PRMT7: variants seen among roughly 807,000 people sequenced by gnomAD.
PRMT7 encodes protein arginine N-methyltransferase 7.
In PRMT7, 75 loss-of-function variants were observed where a neutral mutation model predicts 85.4. The ratio of observed to expected loss-of-function variants is 0.88; its 90% CI spans 0.73 to 1.06. The LOEUF (loss-of-function observed/expected upper bound fraction) is 1.06. PRMT7 is among the 50% of genes least tolerant of loss of function. The pLI, the probability that PRMT7 is intolerant of heterozygous loss-of-function variation, is 0.00. For synonymous variants in PRMT7, 397 were observed against 359.5 expected, an observed-to-expected ratio of 1.10 and a Z score of -1.18; for missense variants, 868 against 915.2, an observed-to-expected ratio of 0.95 and a Z score of 0.67.
intron 6 of PRMT7, among the ~76,000 whole-genome samples, chr16:68,332,735 C>G (rs891349844): frequency 2.0e-5 from 3 of 152,176 alleles, no homozygotes; most frequent in Admixed American, 1.3e-4. Flanking sequence ...CGTTTCCTGT[C>G]TGTTTAACTC....
At chr16:68,327,452 A>G (rs1013422654) in intron 5 of PRMT7, among the ~76,000 whole-genome samples, 2 of 151,930 alleles carry the variant, frequency 1.3e-5, no homozygotes, top group Admixed American at 1.3e-4. Flanking sequence ...CTGCCCTGGG[A>G]AGTGGGGTTT....
intron 14 of PRMT7, among the ~76,000 whole-genome samples, chr16:68,349,425 A>G (rs2151869081): frequency 6.6e-6 from 1 of 152,248 alleles, no homozygotes; most frequent in Non-Finnish European, 1.5e-5. Context: ...ATATGCCACA[A>G]ACTGGACTCA....
chr16:68,336,771 C>T (rs970917860), intron 6 of PRMT7, among the ~76,000 whole-genome samples: 2 of 152,020 alleles, frequency 1.3e-5, no homozygotes, highest in African/African-American at 4.8e-5. Flanking sequence ...CACTCTGTCG[C>T]GCAGGCTGGA....
intron 6 of PRMT7, chr16:68,329,476 T>C (rs2083554718): frequency 4.4e-6 from 1 of 226,868 alleles, no homozygotes; most frequent in Admixed American, 5.0e-5. Context: ...CAACTACCAA[T>C]AATTACGCCT....
chr16:68,330,745 C>T (rs924945049), intron 6 of PRMT7, among the ~76,000 whole-genome samples: 3 of 152,038 alleles, frequency 2.0e-5, no homozygotes, highest in Admixed American at 6.5e-5. Flanking sequence ...CAGGCGTGCA[C>T]CACCATGCCT....
chr16:68,328,694 CCTA>C lies in PRMT7; in HGVS notation c.283-369_283-367del, dbSNP rs1421802003. 3.2e-4 allele frequency among the ~76,000 whole-genome samples: 48 copies of C among 152,108 alleles called. 1 individual carries two copies. Among genetic ancestry groups the C allele is most frequent in the Admixed American group, 2.7e-3 (41 of 15,276 alleles). Reference sequence around the variant, plus strand: ...GGACAATTTTGAGCCCAGAGGATGACCTACTTACTCACACCTACAGTCTGCTCT... The same window carrying C: ...GGACAATTTTGAGCCCAGAGGATGACCTTACTCACACCTACAGTCTGCTCT... On this transcript the variant is annotated intron_variant, in intron 5 of 18. Transcript: ENST00000441236.
At position 68,339,329 on chromosome 16, in the gene PRMT7, G is replaced by T. The variant is rs1457564461; in HGVS notation, c.512G>T (p.Cys171Phe). The T allele has an allele frequency of 1.2e-6, 2 of 1,613,742 alleles. No individual in the cohort carries two copies. The highest frequency in any genetic ancestry group is 1.7e-6 in the Non-Finnish European group (2 of 1,179,658). The stretch of plus-strand genomic sequence containing the variant: ...TTTTTAATATAAACTTAGGAAAATT[G>T]TGAGGCCGTGCCCCACAGAGCCACC... ...HAHRHLVEENCEAVPHRATVY... is the reference protein window; with the variant it reads ...HAHRHLVEENFEAVPHRATVY... Residue 171 changes from cysteine to phenylalanine, a missense_variant, in exon 8 of 19, where the codon TGT (cysteine) becomes TTT (phenylalanine). Coordinates refer to ENST00000441236, the MANE Select transcript of PRMT7 (RefSeq NM_019023.5).
At chr16:68,321,595 A>G in intron 4 of PRMT7, 133 bp downstream of exon 4, 1 of 796,002 alleles carries the variant, frequency 1.3e-6, no homozygotes, top group Non-Finnish European at 2.0e-6. Context: ...TCAGGAAATC[A>G]GTTGGGAGAC....
chr16:68,359,502 C>T (rs12599876), downstream of PRMT7: 23,938 of 152,772 alleles, frequency 0.16, 2,431 homozygotes, highest in African/African-American at 0.28. Flanking sequence ...GGCTCTGCAG[C>T]GTTGTCTGCC....
In PRMT7 at chr16:68,331,046, A is replaced by G. The variant is rs557353602; in HGVS notation, c.391+1872A>G. ...CACACTTGTAACCACCATCACCATA[A>G]TGAAGATAATAGAACATCTCCATCA... On this transcript the variant is annotated intron_variant, in intron 6 of 18. Transcript: ENST00000441236. Among the ~76,000 whole-genome samples, 56 of 152,350 alleles carry G rather than the reference A, an allele frequency of 3.7e-4. No individual in the cohort carries two copies. In the South Asian group the frequency reaches 0.011, roughly 29 times the overall value.
chr16:68,314,351 C>A (rs764609134), intron 2 of PRMT7, among the ~76,000 whole-genome samples: 13 of 152,228 alleles, frequency 8.5e-5, no homozygotes, highest in Non-Finnish European at 1.8e-4. Flanking sequence ...CTGCCTCAGC[C>A]TCCTGAGTAG....
At chr16:68,341,055 C>T (rs1323623943) in intron 9 of PRMT7, among the ~76,000 whole-genome samples, 1 of 152,144 alleles carries the variant, frequency 6.6e-6, no homozygotes, top group African/African-American at 2.4e-5. Flanking sequence ...TGGAAGAATT[C>T]CCAGAAATTC....
chr16:68,324,331 C>T (rs565751630), intron 4 of PRMT7: 84 of 270,896 alleles, frequency 3.1e-4, no homozygotes, highest in African/African-American at 1.9e-3. Context: ...AGAACAGCAG[C>T]ATGCAGAAAG....
At chr16:68,312,943 GC>G (rs954229999) in intron 2 of PRMT7, among the ~76,000 whole-genome samples, 28 of 152,318 alleles carry the variant, frequency 1.8e-4, no homozygotes, top group Admixed American at 1.7e-3. Context: ...TCCTGCCTCA[GC>G]CTCCCAAGTA....
chr16:68,324,555 CA>C (rs1238609858), intron 4 of PRMT7, 127 bp from the exon 5 acceptor site: 2 of 1,162,068 alleles, frequency 1.7e-6, no homozygotes, highest in Non-Finnish European at 2.5e-6. Context: ...GCTGTTCTGC[CA>C]GGGGCCAGAA....
downstream of PRMT7, chr16:68,359,319 G>C (rs1009895144): frequency 6.6e-6 from 1 of 152,478 alleles, no homozygotes; most frequent in Non-Finnish European, 1.5e-5. Flanking sequence ...CCAGCCCCTT[G>C]GAGGGGTGGG....
intron 6 of PRMT7, among the ~76,000 whole-genome samples, chr16:68,331,416 A>G (rs1272921368): frequency 1.3e-5 from 2 of 151,316 alleles, no homozygotes; most frequent in African/African-American, 4.9e-5. Flanking sequence ...TGCAGCATCT[A>G]ATATGCTGTT....
intron 5 of PRMT7, among the ~76,000 whole-genome samples, chr16:68,326,159 C>A (rs1429791785): frequency 6.6e-6 from 1 of 152,142 alleles, no homozygotes; most frequent in Non-Finnish European, 1.5e-5. Context: ...GGTGTATATT[C>A]TTCCAAGTTT....
In PRMT7 at chr16:68,339,569, A is replaced by G. The variant is rs753713793; in HGVS notation, c.746+6A>G. 2 of 1,612,720 alleles carry G rather than the reference A, an allele frequency of 1.2e-6. No homozygotes were observed. The highest frequency in any genetic ancestry group is 1.7e-6 in the Non-Finnish European group (2 of 1,179,428). The stretch of plus-strand genomic sequence containing the variant: ...GATGTGCTGCCCATGTTCAGGTACC[A>G]AGGAGCCACCATAGGTGATGGCGCT... On this transcript the variant is annotated splice_donor_region_variant and intron_variant, in intron 8 of 18. Transcript: ENST00000441236.
Sources: allele counts gnomAD v4.1 joint callset (sites outside exome capture counted in the v4.1 genomes callset), GRCh38; gene constraint gnomAD v4.1.1; transcripts MANE v1.5; gene names NCBI Gene and HGNC (gene_info 2026-07-23, HGNC 2026-07-21).